Variants in QSER1 observed in about 807,000 individuals in gnomAD.
The protein encoded by QSER1 is glutamine and serine-rich protein 1.
In QSER1, 49 loss-of-function variants were observed where a neutral mutation model predicts 158.5. The ratio of observed to expected loss-of-function variants is 0.31; its 90% CI spans 0.25 to 0.39. The LOEUF (loss-of-function observed/expected upper bound fraction) is 0.39, where lower values mean the gene tolerates loss of function less well. QSER1 is among the 10% of genes least tolerant of loss of function. The pLI is 1.00. For missense variants in QSER1, 1,754 were observed against 2,010.3 expected, an observed-to-expected ratio of 0.87 and a Z score of 2.44; for synonymous variants, 650 against 715.5, an observed-to-expected ratio of 0.91 and a Z score of 1.46.
In QSER1 at chr11:32,932,635, G is replaced by A. The variant is rs773886548; in HGVS notation, c.1377G>A (p.Ala459=). 4 of 1,613,910 alleles carry A rather than the reference G, an allele frequency of 2.5e-6. No homozygotes were observed. The highest frequency in any genetic ancestry group is 2.7e-5 in the African/African-American group (2 of 74,876). The stretch of plus-strand genomic sequence containing the variant: ...GCCAAGCACAAATTTATTCTACAGC[G>A]CAGCTACCAAGCCTTTTATCAGTTA... ...ISGQAQIYST[A]QLPSLLSVSQ... Residue 459 remains alanine (A), a synonymous_variant, in exon 4 of 13, where the codon GCG becomes GCA. Coordinates refer to ENST00000650167, the MANE Select transcript of QSER1 (RefSeq NM_001076786.3).
chr11:32,974,472 T>A (rs901640404), intron 11 of QSER1, among the ~76,000 whole-genome samples: 1 of 151,476 alleles, frequency 6.6e-6, no homozygotes, highest in Admixed American at 6.6e-5. Flanking sequence ...CAGAAATGCA[T>A]AAAAATACAT....
chr11:32,902,348 T>G (rs1851636376), intron 1 of QSER1, among the ~76,000 whole-genome samples: 1 of 152,154 alleles, frequency 6.6e-6, no homozygotes, highest in African/African-American at 2.4e-5. Flanking sequence ...TGGGCCCAAC[T>G]CCAGAGTTTC....
rs370504933 is a variant in QSER1, at chr11:32,976,317, C to T, written c.5455-17C>T. On this transcript the variant is annotated splice_polypyrimidine_tract_variant and intron_variant, in intron 12 of 12. Coordinates refer to ENST00000650167, the MANE Select transcript of QSER1 (RefSeq NM_001076786.3). ...ATGTGATAAGTATAAGCTAATTTGGCGATTTTCTTTTTTTAGATTTCTTCG... is the reference window on the plus strand; with the variant it reads ...ATGTGATAAGTATAAGCTAATTTGGTGATTTTCTTTTTTTAGATTTCTTCG... 9.6e-6 allele frequency: 15 copies of T among 1,569,978 alleles called. No individual in the cohort carries two copies. The highest frequency in any genetic ancestry group is 4.1e-5 in the Admixed American group (2 of 48,288).
At chr11:32,908,036 G>C (rs1300139849) in intron 1 of QSER1, among the ~76,000 whole-genome samples, 1 of 152,112 alleles carries the variant, frequency 6.6e-6, no homozygotes, top group Non-Finnish European at 1.5e-5. Flanking sequence ...GGAAGTCAAG[G>C]CTGCAGTGAG....
At chr11:32,939,052 A>T (rs779140240) in intron 4 of QSER1, among the ~76,000 whole-genome samples, 2 of 152,200 alleles carry the variant, frequency 1.3e-5, no homozygotes, top group Non-Finnish European at 2.9e-5. Context: ...AAAATGTAGT[A>T]TAAAACTAGT....
intron 1 of QSER1, chr11:32,926,805 T>G (rs1851978132): frequency 6.6e-6 from 1 of 152,222 alleles, no homozygotes; most frequent in African/African-American, 2.4e-5. Context: ...ATTGAGTCCC[T>G]TATTTAAATT....
intron 1 of QSER1, among the ~76,000 whole-genome samples, chr11:32,914,916 TTTG>T (rs993732363): frequency 7.9e-5 from 12 of 152,122 alleles, no homozygotes; most frequent in African/African-American, 1.9e-4. Flanking sequence ...TGTTTCAATT[TTTG>T]TTGTTGTTGT....
At chr11:32,906,351 G>A (rs1277061855) in intron 1 of QSER1, among the ~76,000 whole-genome samples, 1 of 152,104 alleles carries the variant, frequency 6.6e-6, no homozygotes, top group Non-Finnish European at 1.5e-5. Context: ...GAACCTAGGA[G>A]GCAGAGGTTG....
chr11:32,902,195 C>T (rs1851634334), intron 1 of QSER1, among the ~76,000 whole-genome samples: 1 of 152,202 alleles, frequency 6.6e-6, no homozygotes, highest in Non-Finnish European at 1.5e-5. Context: ...AGAGGAAGTG[C>T]ACTTCCCTGA....
intron 8 of QSER1, among the ~76,000 whole-genome samples, chr11:32,962,932 T>C (rs9787868): frequency 0.092 from 13,979 of 152,238 alleles, 777 homozygotes; most frequent in African/African-American, 0.15. Flanking sequence ...AGTCATTCTT[T>C]CAAATAAAAA....
intron 4 of QSER1, among the ~76,000 whole-genome samples, chr11:32,947,324 G>A (rs1233896317): frequency 6.6e-6 from 1 of 152,026 alleles, no homozygotes; most frequent in Non-Finnish European, 1.5e-5. Context: ...TGAAATTTAT[G>A]GAAATTTTGT....
intron 1 of QSER1, among the ~76,000 whole-genome samples, chr11:32,906,334 A>AT (rs1188078889): frequency 1.3e-5 from 2 of 152,088 alleles, no homozygotes; most frequent in Non-Finnish European, 1.5e-5. Flanking sequence ...AGGCAGGAGA[A>AT]TCGCTTGAAC....
chr11:32,921,353 A>G (rs1043347557), intron 1 of QSER1, among the ~76,000 whole-genome samples: 1 of 152,196 alleles, frequency 6.6e-6, no homozygotes, highest in Non-Finnish European at 1.5e-5. Flanking sequence ...GAGGAGGGAA[A>G]TAGGACCAGT....
At chr11:32,956,698 C>T (rs1423301976) in intron 7 of QSER1, among the ~76,000 whole-genome samples, 1 of 152,188 alleles carries the variant, frequency 6.6e-6, no homozygotes, top group South Asian at 2.1e-4. Context: ...GTTTCATTAA[C>T]ATTCCCACCT....
chr11:32,972,443 T>G (rs1293974497), intron 10 of QSER1, among the ~76,000 whole-genome samples: 1 of 149,820 alleles, frequency 6.7e-6, no homozygotes, highest in African/African-American at 2.5e-5. Flanking sequence ...ATTTATTTAT[T>G]TATTTATTTA....
chr11:32,972,054 C>G (rs1306791591), intron 10 of QSER1, among the ~76,000 whole-genome samples: 2 of 143,550 alleles, frequency 1.4e-5, no homozygotes, highest in Non-Finnish European at 3.0e-5. Context: ...CAGAGCAAGA[C>G]TCCATCTCAA....
At position 32,933,635 on chromosome 11, in the gene QSER1, A is replaced by T. The variant is rs1189599569; in HGVS notation, c.2377A>T (p.Ile793Leu). Reference sequence around the variant, plus strand: ...TGATCTTAAGAACTCAACTAATTTAATACAGACTCCACAAATAAGGTTGAA... The same window carrying T: ...TGATCTTAAGAACTCAACTAATTTATTACAGACTCCACAAATAAGGTTGAA... The part of the protein sequence containing the change: ...TLDLKNSTNL[I>L]QTPQIRLNTK... The change falls in exon 4 of 13, where the codon ATA (isoleucine) becomes TTA (leucine). Residue 793 changes from isoleucine (I) to leucine (L), a missense_variant. Coordinates refer to ENST00000650167, the MANE Select transcript of QSER1 (RefSeq NM_001076786.3). 7 of 1,613,664 alleles carry T rather than the reference A, an allele frequency of 4.3e-6. No individual in the cohort carries two copies. The highest frequency in any genetic ancestry group is 3.3e-5 in the Admixed American group (2 of 59,930).
intron 4 of QSER1, 124 bp downstream of exon 4, chr11:32,935,559 G>C (rs1392998695): frequency 2.9e-6 from 2 of 696,682 alleles, no homozygotes; most frequent in Non-Finnish European, 4.6e-6. Flanking sequence ...AAAATGTATA[G>C]GTAGGTATCT....
chr11:32,972,218 TATA>T (rs2133612253), intron 10 of QSER1, among the ~76,000 whole-genome samples: 1 of 152,112 alleles, frequency 6.6e-6, no homozygotes, highest in African/African-American at 2.4e-5. Flanking sequence ...GAATCATAAA[TATA>T]ATAGGAGGAC....
Sources: allele counts gnomAD v4.1 joint callset (sites outside exome capture counted in the v4.1 genomes callset), GRCh38; gene constraint gnomAD v4.1.1; transcripts MANE v1.5; gene names NCBI Gene and HGNC (gene_info 2026-07-23, HGNC 2026-07-21).